FCN2: variants seen among roughly 807,000 people sequenced by gnomAD.
FCN2 encodes ficolin-2.
In FCN2, 31 loss-of-function variants were observed where a neutral mutation model predicts 32.5. That is an observed-to-expected ratio of 0.96 (90% CI 0.72 to 1.29). The LOEUF is 1.29. Among genes scored for constraint, FCN2 ranks in the 50% most tolerant of loss-of-function variants. The pLI, the probability that FCN2 is intolerant of heterozygous loss-of-function variation, is 0.00. For missense variants in FCN2, 412 were observed against 406.5 expected (o/e 1.01, Z -0.12); for synonymous variants, 181 against 164.5 (o/e 1.10, Z -0.77).
chr9:134,867,582 T>A, the FCN2 span, among the ~76,000 whole-genome samples: 1 of 150,254 alleles, frequency 6.7e-6, no homozygotes, highest in African/African-American at 2.5e-5. Flanking sequence ...ATGGCACATG[T>A]ATACATATGT....
At chr9:134,884,801 C>A (rs55985459) in intron 4 of FCN2, 29 bp downstream of exon 4, 3 of 1,610,066 alleles carry the variant, frequency 1.9e-6, no homozygotes, top group East Asian at 2.2e-5. Context: ...ACTCCTCCCA[C>A]GGCTTGTGGC....
the FCN2 span, among the ~76,000 whole-genome samples, chr9:134,873,060 A>G: frequency 6.6e-6 from 1 of 151,054 alleles, no homozygotes; most frequent in Non-Finnish European, 1.5e-5. Context: ...CTTATTTGCT[A>G]TATCCGCACA....
the FCN2 span, among the ~76,000 whole-genome samples, chr9:134,869,141 GC>G: frequency 6.6e-5 from 10 of 152,286 alleles, no homozygotes; most frequent in East Asian, 1.7e-3. Flanking sequence ...TGCCCACTCG[GC>G]CCCCGTGCCG....
At chr9:134,884,806 T>C in intron 4 of FCN2, 34 bp downstream of exon 4, 1 of 1,609,470 alleles carries the variant, frequency 6.2e-7, no homozygotes. Context: ...TCCCACGGCT[T>C]GTGGCTGCCC....
chr9:134,864,369 C>A, the FCN2 span, among the ~76,000 whole-genome samples: 1 of 152,218 alleles, frequency 6.6e-6, no homozygotes, highest in Non-Finnish European at 1.5e-5. Flanking sequence ...CCAGGGGAAG[C>A]CAGGCTCGTT....
At chr9:134,886,031 A>C in intron 6 of FCN2, 134 bp downstream of exon 6, 4 of 939,858 alleles carry the variant, frequency 4.3e-6, no homozygotes, top group Non-Finnish European at 6.3e-6. Context: ...TCAGGGTGGC[A>C]CTGGGACCTC....
At chr9:134,865,262 G>A in the FCN2 span, among the ~76,000 whole-genome samples, 1 of 152,234 alleles carries the variant, frequency 6.6e-6, no homozygotes, top group East Asian at 1.9e-4. Flanking sequence ...ATTCCCAGCA[G>A]CTCCACCTTC....
chr9:134,884,827 G>A, intron 4 of FCN2, 55 bp downstream of exon 4: 1 of 1,545,566 alleles, frequency 6.5e-7, no homozygotes. Flanking sequence ...TTGGCTGGAA[G>A]TCCAGGGTCA....
chr9:134,876,641 C>T (rs1274643638), upstream of FCN2, among the ~76,000 whole-genome samples: 7 of 152,194 alleles, frequency 4.6e-5, no homozygotes, highest in Non-Finnish European at 1.0e-4. Flanking sequence ...TGCAATGGCA[C>T]GATCTTGGCT....
In FCN2 at chr9:134,885,762, C is replaced by A; in HGVS notation, c.430-6C>A. On this transcript the variant is annotated splice_polypyrimidine_tract_variant and splice_region_variant and intron_variant, in intron 5 of 7. Transcript: ENST00000291744. ...CCCCGGCTCCTGTCCCCTGGCTTCTCCACAGGTTTTCCAGCGGAGGGTGGA... is the reference window on the plus strand; with the variant it reads ...CCCCGGCTCCTGTCCCCTGGCTTCTACACAGGTTTTCCAGCGGAGGGTGGA... The A allele has an allele frequency of 6.2e-7, 1 of 1,614,016 alleles. No homozygotes were observed. Among genetic ancestry groups the A allele is most frequent in the Non-Finnish European group, 8.5e-7 (1 of 1,179,966 alleles).
Position 134,882,644 on chromosome 9 carries a change from G to A in FCN2, c.214+5G>A, listed in dbSNP as rs775513762. On this transcript the variant is annotated splice_donor_5th_base_variant and intron_variant, in intron 2 of 7. Coordinates refer to ENST00000291744, the MANE Select transcript of FCN2 (RefSeq NM_004108.3). Reference sequence around the variant, plus strand: ...CAGGCACCAATGGAAAGAGAGGTAGGTGCAGGCATGGCTGGGGGCACTGGC... The same window carrying A: ...CAGGCACCAATGGAAAGAGAGGTAGATGCAGGCATGGCTGGGGGCACTGGC... 6.3e-7 allele frequency: 1 copy of A among 1,591,316 alleles called. No individual in the cohort carries two copies. The highest frequency in any genetic ancestry group is 8.6e-7 in the Non-Finnish European group (1 of 1,159,662).
At chr9:134,883,832 T>G (rs1830703422) in intron 3 of FCN2, among the ~76,000 whole-genome samples, 1 of 75,236 alleles carries the variant, frequency 1.3e-5, no homozygotes, top group Non-Finnish European at 2.5e-5. Context: ...GAGGGACTTT[T>G]AGTGTGGGGA....
the FCN2 span, chr9:134,868,117 C>T: frequency 3.3e-5 from 5 of 152,294 alleles, no homozygotes; most frequent in African/African-American, 9.7e-5. This position sits in a 1 kb window ranked among gnomAD's most constrained non-coding sequence, Gnocchi z 4.3. Flanking sequence ...TGCCCCTCAT[C>T]ACCTCTCCGC....
chr9:134,872,343 T>C, the FCN2 span, among the ~76,000 whole-genome samples: 3 of 152,312 alleles, frequency 2.0e-5, no homozygotes, highest in South Asian at 6.2e-4. Context: ...GATGGACATT[T>C]AGGTTGCTTC....
rs756736971 is a variant in FCN2 at position 134,887,460 on chromosome 9, T to TG, written c.*51dup. The stretch of plus-strand genomic sequence containing the variant: ...CAGGACGCCTCCACACATAGTTGGT[T>TG]GGGGGGTAGGGTTGGGAGCTTGGCC... On this transcript the variant is annotated 3_prime_UTR_variant, in exon 8 of 8. Transcript: ENST00000291744. 9 of 1,595,376 alleles carry TG rather than the reference T, an allele frequency of 5.6e-6. No individual in the cohort carries two copies. Among genetic ancestry groups the TG allele is most frequent in the African/African-American group, 2.7e-5 (2 of 74,370 alleles).
At chr9:134,884,911 CT>C (rs1830722720) in intron 4 of FCN2, 139 bp downstream of exon 4, 1 of 847,770 alleles carries the variant, frequency 1.2e-6, no homozygotes, top group African/African-American at 1.7e-5. Flanking sequence ...TCCTTGTCCC[CT>C]AATTATTCAA....
chr9:134,884,660 T>C, intron 3 of FCN2, 80 bp from the exon 4 acceptor site: 1 of 1,400,452 alleles, frequency 7.1e-7, no homozygotes, highest in South Asian at 1.2e-5. Context: ...GCCCAGAAAA[T>C]GGTGTCCGCG....
upstream of FCN2, among the ~76,000 whole-genome samples, chr9:134,880,003 G>A (rs1033590654): frequency 1.3e-5 from 2 of 152,136 alleles, no homozygotes; most frequent in African/African-American, 2.4e-5. Context: ...TCCAAAAGGC[G>A]AACACAACCA....
chr9:134,866,889 A>G, the FCN2 span, among the ~76,000 whole-genome samples: 39 of 140,696 alleles, frequency 2.8e-4, 1 homozygote, highest in South Asian at 8.6e-3. Flanking sequence ...ACATGAAAAA[A>G]TGCTCATCAT....
Sources: gnomAD v4.1 joint callset for allele counts (sites outside exome capture counted in the v4.1 genomes callset) on GRCh38, gnomAD v4.1.1 for gene constraint, Gnocchi (gnomAD v3.1) non-coding constraint, MANE v1.5 for transcripts, NCBI Gene and HGNC (gene_info 2026-07-23, HGNC 2026-07-21) for gene names.